The following MALRD1 variants were observed in gnomAD, a reference collection of about 807,000 sequenced individuals.
MALRD1 encodes MAM and LDL receptor class A domain containing 1.
MALRD1 carries 247 observed loss-of-function variants against 242.1 expected under a neutral mutation model. The observed-to-expected ratio is 1.02, with a 90% CI of 0.92 to 1.13. MALRD1 has a LOEUF of 1.13. Among genes scored for constraint, MALRD1 ranks in the 50% most tolerant of loss-of-function variants. The pLI is 0.00. For missense variants in MALRD1, 2,989 were observed against 2,533.1 expected (o/e 1.18, Z -3.86); for synonymous variants, 995 against 866.6 (o/e 1.15, Z -2.60).
chr10:19,461,604 T>TG (rs1329219120), intron 29 of MALRD1, among the ~76,000 whole-genome samples: 2 of 151,786 alleles, frequency 1.3e-5, no homozygotes, highest in East Asian at 3.9e-4. Flanking sequence ...TCCTACACTG[T>TG]GGGGGGAGGC....
chr10:19,387,298 CTTTTT>C (rs36070001), intron 26 of MALRD1, among the ~76,000 whole-genome samples: 2 of 143,260 alleles, frequency 1.4e-5, no homozygotes, highest in East Asian at 4.1e-4. Flanking sequence ...TAAAGTGATG[CTTTTT>C]TTTTTTTTTT....
At chr10:19,589,887 T>A (rs1260595985) in intron 33 of MALRD1, among the ~76,000 whole-genome samples, 1 of 152,020 alleles carries the variant, frequency 6.6e-6, no homozygotes, top group Non-Finnish European at 1.5e-5. Flanking sequence ...ATTTTTGCTC[T>A]GAGCGTGTTT....
chr10:19,463,437 C>T (rs1836047567), intron 29 of MALRD1, among the ~76,000 whole-genome samples: 1 of 151,890 alleles, frequency 6.6e-6, no homozygotes, highest in Admixed American at 6.6e-5. Context: ...CGAGTAAGAG[C>T]ATAGGATGTT....
At chr10:19,113,701 T>A (rs1297986372) in intron 5 of MALRD1, among the ~76,000 whole-genome samples, 4 of 151,748 alleles carry the variant, frequency 2.6e-5, no homozygotes, top group Non-Finnish European at 2.9e-5. Flanking sequence ...TATGCTCAGG[T>A]TTCTGAGCAA....
chr10:19,526,667 G>C (rs1360776605), intron 31 of MALRD1, among the ~76,000 whole-genome samples: 1 of 152,094 alleles, frequency 6.6e-6, no homozygotes, highest in Non-Finnish European at 1.5e-5. Flanking sequence ...ACTCAGCCCA[G>C]AGTCCCTTAA....
At chr10:19,420,283 A>G (rs1833673214) in intron 28 of MALRD1, among the ~76,000 whole-genome samples, 1 of 151,964 alleles carries the variant, frequency 6.6e-6, no homozygotes, top group South Asian at 2.1e-4. Context: ...GGAATGAGTC[A>G]GGGTGGAGTA....
chr10:19,652,918 C>T (rs1840962407), intron 36 of MALRD1, among the ~76,000 whole-genome samples: 1 of 152,142 alleles, frequency 6.6e-6, no homozygotes. Flanking sequence ...TCTTTCTCAA[C>T]AATCTGTCTA....
At chr10:19,317,674 G>C (rs1400143001) in intron 21 of MALRD1, among the ~76,000 whole-genome samples, 1 of 151,954 alleles carries the variant, frequency 6.6e-6, no homozygotes, top group East Asian at 1.9e-4. Context: ...ATTTGCTCAA[G>C]AATGGGTATT....
intron 18 of MALRD1, among the ~76,000 whole-genome samples, chr10:19,232,609 T>C (rs771721660): frequency 5.9e-5 from 9 of 152,294 alleles, no homozygotes; most frequent in Non-Finnish European, 1.2e-4. Flanking sequence ...ATCTAGGAAA[T>C]AGCTGAAATG....
At chr10:19,268,995 G>A in intron 19 of MALRD1, among the ~76,000 whole-genome samples, 1 of 152,204 alleles carries the variant, frequency 6.6e-6, no homozygotes, top group East Asian at 1.9e-4. Flanking sequence ...ACTAATCTCT[G>A]CTTCTTAGTG....
At chr10:19,296,964 T>G (rs1423466298) in intron 21 of MALRD1, among the ~76,000 whole-genome samples, 3 of 151,786 alleles carry the variant, frequency 2.0e-5, no homozygotes, top group African/African-American at 7.3e-5. Flanking sequence ...ATAGAAAGCT[T>G]AGAACCAAAT....
chr10:19,370,010 T>C (rs917968288), intron 26 of MALRD1, among the ~76,000 whole-genome samples: 12 of 152,160 alleles, frequency 7.9e-5, no homozygotes, highest in African/African-American at 2.4e-4. Flanking sequence ...TATTCTACTA[T>C]ATTTTCTTGG....
At chr10:19,522,758 T>C (rs928662274) in intron 31 of MALRD1, among the ~76,000 whole-genome samples, 2 of 152,180 alleles carry the variant, frequency 1.3e-5, no homozygotes, top group African/African-American at 4.8e-5. Flanking sequence ...TAAGAAATTT[T>C]CCCAAAGTCA....
chr10:19,153,867 A>G (rs1834032565), intron 11 of MALRD1, among the ~76,000 whole-genome samples: 1 of 133,924 alleles, frequency 7.5e-6, no homozygotes, highest in Admixed American at 7.9e-5. Flanking sequence ...ACCTTCGTTA[A>G]CCTCTTGTTT....
chr10:19,347,947 T>A lies in MALRD1; in HGVS notation c.4078T>A (p.Phe1360Ile), dbSNP rs1004703674. 68 of 1,550,266 alleles carry A rather than the reference T, an allele frequency of 4.4e-5. No homozygotes were observed. Among genetic ancestry groups the A allele is most frequent in the Non-Finnish European group, 5.1e-5 (59 of 1,146,858 alleles). ...TCATTACATCTTTATAAAGAGTTTG[T>A]TTCCTCAGCAGCCCATGAGAGCTGC... is the stretch of plus-strand genomic sequence containing the variant. ...SGHYIFIKSL[F>I]PQQPMRAARI... Residue 1360 changes from phenylalanine to isoleucine, a missense_variant, in exon 25 of 40, where the codon TTT (phenylalanine) becomes ATT (isoleucine). Coordinates refer to ENST00000454679, the MANE Select transcript of MALRD1 (RefSeq NM_001142308.3).
chr10:19,438,507 A>C (rs2095126), intron 28 of MALRD1, among the ~76,000 whole-genome samples: 1 of 152,016 alleles, frequency 6.6e-6, no homozygotes, highest in Non-Finnish European at 1.5e-5. Context: ...TCTGCCTTCA[A>C]TTACTTACCC....
chr10:19,368,865 T>A (rs1845227644), intron 26 of MALRD1, among the ~76,000 whole-genome samples: 1 of 128,354 alleles, frequency 7.8e-6, no homozygotes, highest in Non-Finnish European at 1.6e-5. Flanking sequence ...TTTTGGTGAT[T>A]TGTGTATGTG....
At chr10:19,553,154 A>T (rs1835565032) in intron 32 of MALRD1, among the ~76,000 whole-genome samples, 4 of 152,092 alleles carry the variant, frequency 2.6e-5, no homozygotes, top group Admixed American at 2.6e-4. Context: ...GGTTATTGAC[A>T]ATCTGGGAAT....
chr10:19,478,291 G>A (rs948515441), intron 29 of MALRD1, among the ~76,000 whole-genome samples: 7 of 152,160 alleles, frequency 4.6e-5, no homozygotes, highest in Non-Finnish European at 7.3e-5. Context: ...AAAGTAAGAT[G>A]CTCAGTTGAA....
Sources: gnomAD v4.1 joint callset for allele counts (sites outside exome capture counted in the v4.1 genomes callset) on GRCh38, gnomAD v4.1.1 for gene constraint, MANE v1.5 for transcripts, NCBI Gene and HGNC (gene_info 2026-07-23, HGNC 2026-07-21) for gene names.